Variants in CCDC178 observed in about 807,000 individuals in gnomAD.
The protein encoded by CCDC178 is coiled-coil domain containing 178.
A neutral mutation model predicts 117.4 loss-of-function variants in CCDC178; 126 were observed. The observed-to-expected ratio is 1.07, with a 90% confidence interval of 0.93 to 1.24. The LOEUF is 1.24. CCDC178 is among the 50% of genes most tolerant of loss of function. The probability of loss-of-function intolerance (pLI) is 0.00; values close to 1 mark genes in which losing one functional copy is unlikely to be tolerated. For synonymous variants in CCDC178, 283 were observed against 313.4 expected (o/e 0.90, Z 1.02); for missense variants, 1,030 against 986.9 (o/e 1.04, Z -0.59).
At chr18:32,940,430 T>C (rs1386395931) in intron 22 of CCDC178, among the ~76,000 whole-genome samples, 1 of 152,046 alleles carries the variant, frequency 6.6e-6, no homozygotes, top group East Asian at 1.9e-4. Flanking sequence ...CAAAATATTT[T>C]ACTTTTTGTT....
chr18:33,324,191 C>T (rs1461845101), intron 10 of CCDC178, among the ~76,000 whole-genome samples: 2 of 151,832 alleles, frequency 1.3e-5, no homozygotes, highest in African/African-American at 2.4e-5. Context: ...TTCCTTCTGT[C>T]TCTCTCTCTG....
intron 10 of CCDC178, among the ~76,000 whole-genome samples, chr18:33,331,274 TGTAA>T (rs2062665151): frequency 6.6e-6 from 1 of 152,006 alleles, no homozygotes; most frequent in Non-Finnish European, 1.5e-5. Flanking sequence ...TGAGTTTTGC[TGTAA>T]GTTATAGGAA....
At chr18:32,943,958 T>C (rs1312936277) in intron 22 of CCDC178, among the ~76,000 whole-genome samples, 3 of 152,228 alleles carry the variant, frequency 2.0e-5, no homozygotes, top group African/African-American at 7.2e-5. Flanking sequence ...AAGTCACCTT[T>C]CTCTTTCATA....
At chr18:33,176,220 G>A (rs2058663396) in intron 20 of CCDC178, among the ~76,000 whole-genome samples, 1 of 151,904 alleles carries the variant, frequency 6.6e-6, no homozygotes, top group South Asian at 2.1e-4. Context: ...AATTATCTTG[G>A]ATGATTTTAA....
At chr18:33,051,684 C>A (rs1379480187) in intron 21 of CCDC178, among the ~76,000 whole-genome samples, 1 of 152,192 alleles carries the variant, frequency 6.6e-6, no homozygotes, top group Non-Finnish European at 1.5e-5. Context: ...TTGTTTCATG[C>A]TTTCCAAGAC....
chr18:32,940,975 G>A (rs916342166), intron 22 of CCDC178, among the ~76,000 whole-genome samples: 1 of 151,996 alleles, frequency 6.6e-6, no homozygotes, highest in African/African-American at 2.4e-5. Context: ...TTGAAATACA[G>A]TAGGAACTCA....
At chr18:33,299,953 A>T (rs2062155607) in intron 11 of CCDC178, among the ~76,000 whole-genome samples, 1 of 152,230 alleles carries the variant, frequency 6.6e-6, no homozygotes, top group Admixed American at 6.5e-5. Context: ...TGCTGTTGAT[A>T]TAGGTTGGAT....
intron 11 of CCDC178, among the ~76,000 whole-genome samples, chr18:33,305,645 A>G (rs2062238333): frequency 6.6e-6 from 1 of 152,054 alleles, no homozygotes; most frequent in Admixed American, 6.6e-5. Context: ...TACTCCTCTT[A>G]GTGATTTTAC....
At chr18:33,044,219 T>A (rs958608997) in intron 21 of CCDC178, among the ~76,000 whole-genome samples, 3 of 151,988 alleles carry the variant, frequency 2.0e-5, no homozygotes, top group South Asian at 4.1e-4. Context: ...ACAGGAACTG[T>A]AAAACACTGA....
chr18:33,412,613 T>C (rs7504895), intron 2 of CCDC178, among the ~76,000 whole-genome samples: 122,145 of 152,046 alleles, frequency 0.8, 49,315 homozygotes, highest in East Asian at 1. Flanking sequence ...TCTATACACC[T>C]ACAAACTGCC....
intron 20 of CCDC178, among the ~76,000 whole-genome samples, chr18:33,113,956 T>C (rs1291484130): frequency 6.6e-6 from 1 of 152,076 alleles, no homozygotes; most frequent in Non-Finnish European, 1.5e-5. Context: ...AATTTTGGTG[T>C]TAGTCCCTTT....
chr18:33,305,292 T>C lies in CCDC178; in HGVS notation c.1023-11980A>G, dbSNP rs554611852. ...CAGGGATCAGCTTTGGAAAAGGTAATATATCATTGTTGTGAGGTCATAAGC... is the reference window on the plus strand; with the variant it reads ...CAGGGATCAGCTTTGGAAAAGGTAACATATCATTGTTGTGAGGTCATAAGC... On this transcript the variant is annotated intron_variant, in intron 11 of 22. Transcript: ENST00000383096. 5.3e-5 allele frequency among the ~76,000 whole-genome samples: 8 copies of C among 152,210 alleles called. No homozygotes were observed. In the East Asian group the frequency reaches 1.4e-3, roughly 26 times the overall value.
At chr18:33,061,976 T>C (rs1312704733) in intron 21 of CCDC178, among the ~76,000 whole-genome samples, 1 of 152,218 alleles carries the variant, frequency 6.6e-6, no homozygotes, top group Non-Finnish European at 1.5e-5. Context: ...TAGAAATATA[T>C]TTTTAGTGTA....
chr18:33,198,335 C>T (rs1299940132), intron 20 of CCDC178, among the ~76,000 whole-genome samples: 1 of 152,124 alleles, frequency 6.6e-6, no homozygotes, highest in Non-Finnish European at 1.5e-5. Flanking sequence ...TAGAAATGAA[C>T]TAGAAACGTA....
rs1381308503 is a variant in CCDC178 at position 33,135,449 on chromosome 18, C to T, written c.2239-42539G>A. On this transcript the variant is annotated intron_variant, in intron 20 of 22. Transcript: ENST00000383096. ...CGTATCAAAAATCAATTTGATCTAT[C>T]TAGCACTAGATGTAAAAAAGAAGCT... Among the ~76,000 whole-genome samples the T allele has an allele frequency of 2.0e-5, 3 of 152,058 alleles. 1 individual carries two copies. The South Asian group carries it at 6.2e-4, about 32-fold the overall frequency.
intron 6 of CCDC178, among the ~76,000 whole-genome samples, chr18:33,361,012 TA>T (rs1056531441): frequency 6.6e-6 from 1 of 151,272 alleles, no homozygotes; most frequent in Non-Finnish European, 1.5e-5. Flanking sequence ...TATAGAGCCA[TA>T]AAAAAACACC....
intron 20 of CCDC178, among the ~76,000 whole-genome samples, chr18:33,162,283 GTAAC>G (rs1568026671): frequency 6.6e-6 from 1 of 152,132 alleles, no homozygotes; most frequent in African/African-American, 2.4e-5. Flanking sequence ...GTATACATAT[GTAAC>G]TAACCTGCAC....
At chr18:33,212,151 C>G in intron 19 of CCDC178, 96 bp from the exon 20 acceptor site, 1 of 886,038 alleles carries the variant, frequency 1.1e-6, no homozygotes, top group Non-Finnish European at 1.6e-6. Flanking sequence ...AATGAAAAAT[C>G]TTGAAGACCC....
chr18:33,048,742 T>A, intron 21 of CCDC178, among the ~76,000 whole-genome samples: 1 of 152,190 alleles, frequency 6.6e-6, no homozygotes, highest in Non-Finnish European at 1.5e-5. Context: ...GCTTCATTTT[T>A]ATCAAGGGAG....
Sources: allele counts gnomAD v4.1 joint callset (sites outside exome capture counted in the v4.1 genomes callset), GRCh38; gene constraint gnomAD v4.1.1; transcripts MANE v1.5; gene names NCBI Gene and HGNC (gene_info 2026-07-23, HGNC 2026-07-21).